IAH1: variants seen among roughly 807,000 people sequenced by gnomAD.
IAH1 encodes isoamyl acetate-hydrolyzing esterase 1 homolog.
IAH1 carries 24 observed loss-of-function variants against 26.7 expected under a neutral mutation model. The observed-to-expected ratio is 0.90, with a 90% CI of 0.65 to 1.26. IAH1 has a LOEUF of 1.26. Ranked by LOEUF, IAH1 falls within the 50% of genes most tolerant of loss-of-function variation. The pLI, the probability that IAH1 is intolerant of heterozygous loss-of-function variation, is 0.00. For synonymous variants in IAH1, 140 were observed against 118.5 expected (o/e 1.18, Z -1.18); for missense variants, 300 against 299.9 (o/e 1.00, Z 0.00).
chr2:9,484,319 T>C, intron 4 of IAH1, 113 bp from the exon 5 acceptor site: 2 of 835,038 alleles, frequency 2.4e-6, no homozygotes, highest in Non-Finnish European at 4.0e-6. Flanking sequence ...CTGGCCCAAG[T>C]GGGGTCAATA....
chr2:9,494,718 A>G (rs200055210), downstream of IAH1: 118 of 1,614,154 alleles, frequency 7.3e-5, 1 homozygote, highest in East Asian at 2.6e-3. Flanking sequence ...CATAGGGCAC[A>G]CAGCGGCCAG....
chr2:9,478,179 ACTT>A (rs1369445401), intron 2 of IAH1, 40 bp from the exon 3 acceptor site: 2 of 1,560,060 alleles, frequency 1.3e-6, no homozygotes, highest in South Asian at 1.2e-5. Flanking sequence ...GACCATAAAC[ACTT>A]CTTGCCCACA....
intron 5 of IAH1, chr2:9,486,036 A>G (rs1661460139): frequency 6.6e-6 from 1 of 152,288 alleles, no homozygotes; most frequent in South Asian, 2.1e-4. Context: ...AGCAACATAG[A>G]AAACAGCCAA....
intron 4 of IAH1, 80 bp downstream of exon 4, chr2:9,481,527 C>G: frequency 7.2e-7 from 1 of 1,395,970 alleles, no homozygotes; most frequent in South Asian, 1.3e-5. Context: ...TGGTTTCCTG[C>G]CTGGGGCTTC....
intron 6 of IAH1, among the ~76,000 whole-genome samples, chr2:9,495,344 G>A (rs979934773): frequency 2.6e-5 from 4 of 152,254 alleles, no homozygotes; most frequent in African/African-American, 7.2e-5. Flanking sequence ...AAGAATGGCA[G>A]AAATGCCAGA....
At chr2:9,503,440 A>G in the IAH1 span, among the ~76,000 whole-genome samples, 1 of 152,234 alleles carries the variant, frequency 6.6e-6, no homozygotes, top group Non-Finnish European at 1.5e-5. Flanking sequence ...TTCATATCCC[A>G]AGACTGTCAT....
chr2:9,478,221 GA>G lies in IAH1; in HGVS notation c.138del (p.Lys46AsnfsTer5). ...CATCTTTTTAAAATTTTTCGTTTCA[GA>G]AAATGTGATGTTCTGAATCGTGGAT... ...WGASLADRLV[R>X]KCDVLNRGFS... On this transcript the variant is annotated frameshift_variant and splice_region_variant, in exon 3 of 6. Coordinates refer to ENST00000497473, the MANE Select transcript of IAH1 (RefSeq NM_001039613.3). LOFTEE classifies it high-confidence loss of function. 6.3e-7 allele frequency: 1 copy of G among 1,588,136 alleles called. No homozygotes were observed. The highest frequency in any genetic ancestry group is 8.6e-7 in the Non-Finnish European group (1 of 1,167,654).
the IAH1 span, among the ~76,000 whole-genome samples, chr2:9,503,484 T>C: frequency 2.6e-5 from 4 of 152,238 alleles, no homozygotes; most frequent in South Asian, 2.1e-4. Context: ...TATTAGGATG[T>C]AGCCATAAAA....
intron 5 of IAH1, chr2:9,487,323 T>C (rs1426180829): frequency 6.6e-6 from 1 of 152,140 alleles, no homozygotes; most frequent in Non-Finnish European, 1.5e-5. Flanking sequence ...GTCCCAGCAA[T>C]TACTGTTCTA....
At position 9,474,681 on chromosome 2, in the gene IAH1, G is replaced by T; in HGVS notation, c.81+34G>T. ...GCCCCGACGCTCGGCCTCCCGCCCC[G>T]GCCTCCCTGCGGGGTCGCTGCCGAG... On this transcript the variant is annotated intron_variant, in intron 1 of 5. Coordinates refer to ENST00000497473, the MANE Select transcript of IAH1 (RefSeq NM_001039613.3). This position sits in a 1 kb window ranked among gnomAD's most constrained non-coding sequence, Gnocchi z 4.3. 1 of 1,482,444 alleles carries T rather than the reference G, an allele frequency of 6.7e-7. No homozygotes were observed. The allele number at this position is 1,482,444 out of a possible 1,614,324, so 91.8% of individuals were successfully genotyped here. A position where few individuals can be genotyped will look rare whatever the true frequency, so the allele number is the denominator to read the frequency against.
chr2:9,483,238 C>G (rs567138089), intron 4 of IAH1, among the ~76,000 whole-genome samples: 1 of 152,246 alleles, frequency 6.6e-6, no homozygotes, highest in Admixed American at 6.5e-5. Context: ...AACTGGTCCC[C>G]TAGAAATTCA....
chr2:9,479,807 T>C, intron 3 of IAH1, among the ~76,000 whole-genome samples: 1 of 25,212 alleles, frequency 4.0e-5, no homozygotes, highest in African/African-American at 2.6e-4. Flanking sequence ...TTTTTTTTTT[T>C]TTTTTTTTTT....
chr2:9,508,668 C>A, the IAH1 span, among the ~76,000 whole-genome samples: 1 of 152,084 alleles, frequency 6.6e-6, no homozygotes, highest in Non-Finnish European at 1.5e-5. Flanking sequence ...CAGTTTCTAG[C>A]CACATTTCAA....
chr2:9,496,138 T>C (rs2124972568), intron 6 of IAH1, among the ~76,000 whole-genome samples: 1 of 152,194 alleles, frequency 6.6e-6, no homozygotes, highest in African/African-American at 2.4e-5. Context: ...CTTATTTATT[T>C]ATTTATTTGA....
intron 2 of IAH1, among the ~76,000 whole-genome samples, chr2:9,477,220 T>C (rs1558474865): frequency 1.3e-5 from 2 of 152,208 alleles, no homozygotes; most frequent in Non-Finnish European, 2.9e-5. Context: ...CCCCTTGTGC[T>C]GCTTTGGAGC....
downstream of IAH1, chr2:9,490,244 C>T (rs1662011388): frequency 1.2e-6 from 2 of 1,611,858 alleles, no homozygotes; most frequent in African/African-American, 1.3e-5. Context: ...AGCCTTTTCA[C>T]TTCTGGTGAC....
At chr2:9,490,639 A>G, downstream of IAH1, 1 of 1,087,984 alleles carries the variant, frequency 9.2e-7, no homozygotes, top group Non-Finnish European at 1.3e-6. Flanking sequence ...CTAAGAAAAA[A>G]GTGCTAGGTG....
At chr2:9,497,690 C>G (rs1050247946), downstream of IAH1, among the ~76,000 whole-genome samples, 1 of 152,196 alleles carries the variant, frequency 6.6e-6, no homozygotes, top group Admixed American at 6.5e-5. Context: ...TCAATATTAA[C>G]AGATACTATT....
At chr2:9,493,185 T>C (rs1202629339), downstream of IAH1, among the ~76,000 whole-genome samples, 1 of 152,214 alleles carries the variant, frequency 6.6e-6, no homozygotes, top group Non-Finnish European at 1.5e-5. Context: ...AGCCCTCATA[T>C]ACTGGCTGAC....
Sources: allele counts gnomAD v4.1 joint callset (sites outside exome capture counted in the v4.1 genomes callset), GRCh38; gene constraint gnomAD v4.1.1; non-coding constraint Gnocchi (gnomAD v3.1); transcripts MANE v1.5; gene names NCBI Gene and HGNC (gene_info 2026-07-23, HGNC 2026-07-21).